FBLIM1: variants seen among roughly 807,000 people sequenced by gnomAD.
The protein encoded by FBLIM1 is filamin binding LIM protein 1.
A neutral mutation model predicts 37.4 loss-of-function variants in FBLIM1; 29 were observed. The observed-to-expected ratio is 0.77, with a 90% CI of 0.58 to 1.06. FBLIM1 has a LOEUF of 1.06. FBLIM1 is among the 50% of genes least tolerant of loss of function. The probability of loss-of-function intolerance (pLI) is 0.00; values close to 1 mark genes in which losing one functional copy is unlikely to be tolerated. For synonymous variants in FBLIM1, 193 were observed against 199.0 expected (o/e 0.97, Z 0.25); for missense variants, 449 against 505.6 (o/e 0.89, Z 1.07).
intron 1 of FBLIM1, among the ~76,000 whole-genome samples, chr1:15,760,691 G>T (rs74491678): frequency 2.0e-5 from 3 of 152,032 alleles, no homozygotes; most frequent in Non-Finnish European, 4.4e-5. Context: ...GCCTCTAGCT[G>T]GTCTGGGTGG....
chr1:15,766,906 T>TC (rs1261428166), intron 3 of FBLIM1, among the ~76,000 whole-genome samples: 36 of 150,660 alleles, frequency 2.4e-4, no homozygotes, highest in Non-Finnish European at 4.3e-4. Context: ...TTTTTTTTTT[T>TC]TGAGACAGGT....
chr1:15,768,457 C>A, intron 4 of FBLIM1, 71 bp from the exon 5 acceptor site: 1 of 1,072,580 alleles, frequency 9.3e-7, no homozygotes, highest in Non-Finnish European at 1.3e-6. Context: ...CTGTTACCAC[C>A]CAGATGAGGA....
intron 8 of FBLIM1, among the ~76,000 whole-genome samples, chr1:15,782,761 C>A (rs917908644): frequency 3.3e-5 from 5 of 151,010 alleles, no homozygotes; most frequent in African/African-American, 9.7e-5. Flanking sequence ...CTGGTCCCTA[C>A]TGCATAAGGA....
In FBLIM1 at chr1:15,767,570, C is replaced by T; in HGVS notation, c.438+7C>T. 1 of 1,036,644 alleles carries T rather than the reference C, an allele frequency of 9.6e-7. No individual in the cohort carries two copies. Among genetic ancestry groups the T allele is most frequent in the Non-Finnish European group, 1.4e-6 (1 of 738,672 alleles). 64.2% of individuals were successfully genotyped at this position (1,036,644 alleles called of 1,614,324 possible). On this transcript the variant is annotated splice_region_variant and intron_variant, in intron 4 of 8. Coordinates refer to ENST00000375766, the MANE Select transcript of FBLIM1 (RefSeq NM_017556.4). ...GCCCCCGCCCCCACCACAGGTACTG[C>T]CTGCCCCCCGACCCCCAGCAATCCC...
In FBLIM1 at chr1:15,767,487, C is replaced by T. The variant is rs1483940293; in HGVS notation, c.362C>T (p.Ala121Val). ...GTGCTTCTGCCTTCTGAAGAGGAGGCTCCTGCTCCAATGGGGGCCTCACTC... is the reference window on the plus strand; with the variant it reads ...GTGCTTCTGCCTTCTGAAGAGGAGGTTCCTGCTCCAATGGGGGCCTCACTC... ...PPVLLPSEEE[A>V]PAPMGASLIA... Residue 121 changes from alanine (A) to valine (V), a missense_variant, in exon 4 of 9, where the codon GCT becomes GTT. Physicochemically the swap from Ala to Val is moderately conservative, Grantham distance 64 (BLOSUM62 0). Coordinates refer to ENST00000375766, the MANE Select transcript of FBLIM1 (RefSeq NM_017556.4). 1 of 1,346,522 alleles carries T rather than the reference C, an allele frequency of 7.4e-7. No homozygotes were observed. The highest frequency in any genetic ancestry group is 5.1e-5 in the East Asian group (1 of 19,764). The allele number at this position is 1,346,522 out of a possible 1,614,324, so 83.4% of individuals were successfully genotyped here. A position where few individuals can be genotyped will look rare whatever the true frequency, so the allele number is the denominator to read the frequency against.
intron 6 of FBLIM1, among the ~76,000 whole-genome samples, chr1:15,774,287 G>T (rs1319149796): frequency 6.6e-6 from 1 of 152,108 alleles, no homozygotes; most frequent in African/African-American, 2.4e-5. Flanking sequence ...CAATTCTCCT[G>T]AGAATTCCTT....
At chr1:15,760,799 T>C (rs1238510779) in intron 1 of FBLIM1, among the ~76,000 whole-genome samples, 1 of 152,130 alleles carries the variant, frequency 6.6e-6, no homozygotes, top group Non-Finnish European at 1.5e-5. Context: ...GATCTGTGAT[T>C]CGCTCTCTGG....
chr1:15,757,663 C>G (rs923547333), upstream of FBLIM1, among the ~76,000 whole-genome samples: 2 of 152,298 alleles, frequency 1.3e-5, no homozygotes, highest in Middle Eastern at 3.4e-3. This position sits in a 1 kb window ranked among gnomAD's most constrained non-coding sequence, Gnocchi z 4.1. Flanking sequence ...GCAGGACGGG[C>G]CAGATCCTGT....
intron 1 of FBLIM1, among the ~76,000 whole-genome samples, chr1:15,761,172 G>A (rs2148456701): frequency 6.6e-6 from 1 of 152,322 alleles, no homozygotes; most frequent in Non-Finnish European, 1.5e-5. Flanking sequence ...AGCAGCCCCT[G>A]GGGACCAGCC....
intron 4 of FBLIM1, 129 bp from the exon 5 acceptor site, chr1:15,768,399 C>T (rs1010800882): frequency 8.9e-6 from 5 of 564,870 alleles, no homozygotes; most frequent in Admixed American, 4.0e-5. Context: ...AGGTCCCTTG[C>T]TTCCCTGGGC....
In FBLIM1 at chr1:15,780,893, A is replaced by G. The variant is rs969203405; in HGVS notation, c.1008+3606A>G. 2.6e-5 allele frequency among the ~76,000 whole-genome samples: 4 copies of G among 152,122 alleles called. No homozygotes were observed. In the East Asian group the frequency reaches 7.7e-4, roughly 29 times the overall value. On this transcript the variant is annotated intron_variant, in intron 8 of 8. Coordinates refer to ENST00000375766, the MANE Select transcript of FBLIM1 (RefSeq NM_017556.4). ...AAAGTCCTGCTGATAATGCATTTTG[A>G]AAGCCCAGTGAGGAAGTTTAAGTGC... is the stretch of plus-strand genomic sequence containing the variant.
At position 15,774,947 on chromosome 1, in the gene FBLIM1, G is replaced by A. The variant is rs773535396; in HGVS notation, c.890+151G>A. ...AATATTACAGGGCTGGGCTGGGCGC[G>A]GTGGCTCACGCCTGTAATCCCAGCA... is the stretch of plus-strand genomic sequence containing the variant. On this transcript the variant is annotated intron_variant, in intron 7 of 8. Transcript: ENST00000375766. 3.8e-5 allele frequency: 57 copies of A among 1,511,254 alleles called. 1 individual carries two copies. Among genetic ancestry groups the A allele is most frequent in the Middle Eastern group, 2.0e-4 (1 of 4,890 alleles). 93.6% of individuals were successfully genotyped at this position (1,511,254 alleles called of 1,614,324 possible). A position where few individuals can be genotyped will look rare whatever the true frequency, so the allele number is the denominator to read the frequency against.
At chr1:15,783,819 T>C (rs1173917737) in intron 8 of FBLIM1, among the ~76,000 whole-genome samples, 1 of 151,934 alleles carries the variant, frequency 6.6e-6, no homozygotes, top group Non-Finnish European at 1.5e-5. Flanking sequence ...CCTGACCCTG[T>C]GATCCGCCCG....
At position 15,786,531 on chromosome 1, in the gene FBLIM1, C is replaced by T. The variant is rs1295306713; in HGVS notation, c.*1870C>T. ...CCGTGTATCCATGCAGTCATGTTCACGTGCTAGTTACGTTTTTCTTCTTAC... is the reference window on the plus strand; with the variant it reads ...CCGTGTATCCATGCAGTCATGTTCATGTGCTAGTTACGTTTTTCTTCTTAC... On this transcript the variant is annotated 3_prime_UTR_variant, in exon 9 of 9. Transcript: ENST00000375766. The T allele has an allele frequency of 6.6e-6, 1 of 152,256 alleles. No homozygotes were observed. The highest frequency in any genetic ancestry group is 2.4e-5 in the African/African-American group (1 of 41,470). 9.4% of individuals were successfully genotyped at this position (152,256 alleles called of 1,614,324 possible). A position where few individuals can be genotyped will look rare whatever the true frequency, so the allele number is the denominator to read the frequency against.
chr1:15,774,548 A>G, intron 6 of FBLIM1, 70 bp from the exon 7 acceptor site: 1 of 1,537,274 alleles, frequency 6.5e-7, no homozygotes, highest in Non-Finnish European at 8.8e-7. Context: ...GCAGCCTCTC[A>G]GAAGAAGACG....
intron 6 of FBLIM1, among the ~76,000 whole-genome samples, chr1:15,773,668 A>T (rs562483919): frequency 1.1e-3 from 162 of 141,886 alleles, no homozygotes; most frequent in Middle Eastern, 3.5e-3. Flanking sequence ...GACAAGAGCA[A>T]AACTCCGTCT....
intron 7 of FBLIM1, 61 bp from the exon 8 acceptor site, chr1:15,777,109 C>A: frequency 7.3e-7 from 1 of 1,369,768 alleles, no homozygotes; most frequent in Non-Finnish European, 1.0e-6. Flanking sequence ...GTTCTGACAG[C>A]TAATTAATTT....
chr1:15,767,340 A>G, intron 3 of FBLIM1, 36 bp from the exon 4 acceptor site: 3 of 1,509,578 alleles, frequency 2.0e-6, no homozygotes, highest in Non-Finnish European at 2.6e-6. Context: ...TCCACCTGGG[A>G]GGCTCTGACC....
chr1:15,765,085 TTG>T lies in FBLIM1; in HGVS notation c.105_106del (p.Cys35Ter). On this transcript the variant is annotated frameshift_variant, in exon 3 of 9. Coordinates refer to ENST00000375766, the MANE Select transcript of FBLIM1 (RefSeq NM_017556.4). LOFTEE classifies it high-confidence loss of function. The surrounding 1 kb of genome is among the most constrained non-coding windows in gnomAD (Gnocchi z 5.9). ...AVAEEVRQAV[C>X]EARRGRPWEA... ...TGGCGGAGGAAGTGAGGCAGGCAGT[TTG>T]TGAGGCCCGGCGTGGCCGCCCCTGG... 6.2e-7 allele frequency: 1 copy of T among 1,613,976 alleles called. No individual in the cohort carries two copies. Among genetic ancestry groups the T allele is most frequent in the African/African-American group, 1.3e-5 (1 of 75,048 alleles).
Sources: allele counts gnomAD v4.1 joint callset (sites outside exome capture counted in the v4.1 genomes callset), GRCh38; gene constraint gnomAD v4.1.1; non-coding constraint Gnocchi (gnomAD v3.1); transcripts MANE v1.5; gene names NCBI Gene and HGNC (gene_info 2026-07-23, HGNC 2026-07-21).